The following USH2A variants were observed in gnomAD, a reference collection of about 807,000 sequenced individuals.
USH2A encodes the protein Usher syndrome 2A (autosomal recessive, mild).
USH2A carries 443 observed loss-of-function variants against 538.9 expected under a neutral mutation model. That is an observed-to-expected ratio of 0.82 (90% CI 0.76 to 0.89). USH2A has a LOEUF of 0.89. Ranked by LOEUF, USH2A falls within the 40% of genes least tolerant of loss-of-function variation. The pLI, the probability that USH2A is intolerant of heterozygous loss-of-function variation, is 0.00. For missense variants in USH2A, 6,633 were observed against 6,324.8 expected, an observed-to-expected ratio of 1.05 and a Z score of -1.65; for synonymous variants, 2,413 against 2,273.5, an observed-to-expected ratio of 1.06 and a Z score of -1.75.
At chr1:215,833,632 A>G (rs1472071056) in intron 47 of USH2A, among the ~76,000 whole-genome samples, 1 of 152,028 alleles carries the variant, frequency 6.6e-6, no homozygotes, top group Non-Finnish European at 1.5e-5. Flanking sequence ...ACCTTAACTC[A>G]GGCAAAAAGT....
At chr1:216,031,806 T>C (rs947572038) in intron 32 of USH2A, among the ~76,000 whole-genome samples, 3 of 152,204 alleles carry the variant, frequency 2.0e-5, no homozygotes, top group African/African-American at 7.2e-5. Flanking sequence ...TGCACACTCA[T>C]ATTAAACTCT....
chr1:216,117,825 TAC>T (rs1394944254), intron 21 of USH2A, among the ~76,000 whole-genome samples: 2 of 140,480 alleles, frequency 1.4e-5, no homozygotes. Flanking sequence ...TATATATATA[TAC>T]ACAGATATAT....
chr1:216,247,304 C>T, intron 12 of USH2A, 78 bp from the exon 13 acceptor site: 1 of 1,558,746 alleles, frequency 6.4e-7, no homozygotes, highest in Non-Finnish European at 8.8e-7. Flanking sequence ...AACAATGCTA[C>T]TGCAGATGAT....
intron 64 of USH2A, among the ~76,000 whole-genome samples, chr1:215,667,262 C>T (rs1471160848): frequency 3.3e-5 from 5 of 152,156 alleles, no homozygotes. Context: ...TGTGATATCA[C>T]ATGGATTTTG....
intron 38 of USH2A, among the ~76,000 whole-genome samples, chr1:215,913,177 C>A (rs1012672844): frequency 6.6e-6 from 1 of 152,114 alleles, no homozygotes; most frequent in African/African-American, 2.4e-5. Context: ...TGCCAGGCAT[C>A]GTGCCAGGTG....
intron 32 of USH2A, among the ~76,000 whole-genome samples, chr1:216,023,405 T>C (rs1406947750): frequency 7.8e-6 from 1 of 127,636 alleles, no homozygotes; most frequent in African/African-American, 3.0e-5. Flanking sequence ...CCTTTTTTTA[T>C]GTAACCCCCA....
chr1:215,685,507 G>A (rs1009208529), intron 61 of USH2A, among the ~76,000 whole-genome samples: 4 of 151,760 alleles, frequency 2.6e-5, no homozygotes, highest in Admixed American at 2.0e-4. Context: ...ACAGGCACCC[G>A]CCACCACGCC....
Position 215,858,388 on chromosome 1 carries a change from C to T in USH2A, c.8845+8619G>A, listed in dbSNP as rs1250853779. Among the ~76,000 whole-genome samples the T allele has an allele frequency of 7.9e-5, 12 of 151,392 alleles. 1 individual carries two copies. The South Asian group carries it at 2.3e-3, about 29-fold the overall frequency. On this transcript the variant is annotated intron_variant, in intron 44 of 71. Transcript: ENST00000307340. Reference sequence around the variant, plus strand: ...GACCTGGTGGGAGGTGATTGGATTACGGGGGTGGTTTCCCCCACGCTGTTC... The same window carrying T: ...GACCTGGTGGGAGGTGATTGGATTATGGGGGTGGTTTCCCCCACGCTGTTC...
At chr1:216,149,450 C>T (rs958667132) in intron 21 of USH2A, among the ~76,000 whole-genome samples, 8 of 152,126 alleles carry the variant, frequency 5.3e-5, no homozygotes, top group South Asian at 4.1e-4. Flanking sequence ...AAAGGTAGAA[C>T]GGACTAATGG....
chr1:216,090,673 G>A (rs867028620), intron 22 of USH2A, among the ~76,000 whole-genome samples: 19 of 151,952 alleles, frequency 1.3e-4, no homozygotes, highest in African/African-American at 4.3e-4. Flanking sequence ...TTTCATTATC[G>A]TAGTTTAATA....
intron 43 of USH2A, among the ~76,000 whole-genome samples, chr1:215,870,818 T>G (rs1297180388): frequency 6.6e-6 from 1 of 152,130 alleles, no homozygotes; most frequent in Non-Finnish European, 1.5e-5. Context: ...ACTTACGTGT[T>G]GATTGTTGAT....
At chr1:216,411,890 A>C (rs908048399) in intron 3 of USH2A, among the ~76,000 whole-genome samples, 2 of 152,160 alleles carry the variant, frequency 1.3e-5, no homozygotes, top group African/African-American at 4.8e-5. Context: ...GGCCTAGAAA[A>C]CTAATACACA....
rs17026717 is a variant in USH2A, at chr1:216,416,264, T to A, written c.651+2250A>T. On this transcript the variant is annotated intron_variant, in intron 3 of 71. Coordinates refer to ENST00000307340, the MANE Select transcript of USH2A (RefSeq NM_206933.4). ...TAAAGGAACCTTATATAGAGCTCCA[T>A]TTTAGAGTAAATAATTGCTCTTTAA... 2.8e-3 allele frequency among the ~76,000 whole-genome samples: 421 copies of A among 152,246 alleles called. 12 individuals carry two copies. Among genetic ancestry groups the A allele is most frequent in the Admixed American group, 0.019 (290 of 15,276 alleles).
intron 60 of USH2A, among the ~76,000 whole-genome samples, chr1:215,740,656 C>G (rs1253009372): frequency 1.3e-5 from 2 of 152,136 alleles, no homozygotes; most frequent in Non-Finnish European, 2.9e-5. Context: ...GAATTCTTGT[C>G]TTGTATCTGG....
At chr1:216,173,884 A>G in intron 21 of USH2A, 1 of 865,156 alleles carries the variant, frequency 1.2e-6, no homozygotes, top group Non-Finnish European at 1.4e-6. Context: ...TTCCATTTTC[A>G]TTTGAGAAAA....
chr1:215,712,940 G>T (rs1659380976), intron 61 of USH2A, among the ~76,000 whole-genome samples: 1 of 151,836 alleles, frequency 6.6e-6, no homozygotes, highest in East Asian at 1.9e-4. Flanking sequence ...CCAAGTTGCT[G>T]GGATTACAGG....
At chr1:216,083,848 A>G (rs2032027822) in intron 25 of USH2A, among the ~76,000 whole-genome samples, 1 of 152,168 alleles carries the variant, frequency 6.6e-6, no homozygotes, top group African/African-American at 2.4e-5. Context: ...TGTATCATGT[A>G]AGATTATTAC....
chr1:216,328,252 G>A (rs1327028007), intron 4 of USH2A, among the ~76,000 whole-genome samples: 4 of 151,938 alleles, frequency 2.6e-5, no homozygotes, highest in Non-Finnish European at 4.4e-5. Context: ...ATTGCCTCAG[G>A]GAAAATCTTC....
chr1:216,309,163 C>T (rs1390788470), intron 9 of USH2A, among the ~76,000 whole-genome samples: 2 of 152,154 alleles, frequency 1.3e-5, no homozygotes, highest in Admixed American at 6.5e-5. Context: ...GAATTATGGA[C>T]TGATTAGAAA....
Sources: gnomAD v4.1 joint callset for allele counts (sites outside exome capture counted in the v4.1 genomes callset) on GRCh38, gnomAD v4.1.1 for gene constraint, MANE v1.5 for transcripts, NCBI Gene and HGNC (gene_info 2026-07-23, HGNC 2026-07-21) for gene names.